Variants in PLCD3 observed in about 807,000 individuals in gnomAD.
PLCD3 encodes the protein 1-phosphatidylinositol 4,5-bisphosphate phosphodiesterase delta-3.
PLCD3 carries 62 observed loss-of-function variants against 82.8 expected under a neutral mutation model. The ratio of observed to expected loss-of-function variants is 0.75; its 90% confidence interval spans 0.61 to 0.93. The LOEUF is 0.93. Ranked by LOEUF, PLCD3 falls within the 40% of genes least tolerant of loss-of-function variation. The probability of loss-of-function intolerance (pLI) is 0.00; values close to 1 mark genes in which losing one functional copy is unlikely to be tolerated. For synonymous variants in PLCD3, 478 were observed against 471.8 expected (o/e 1.01, Z -0.17); for missense variants, 1,023 against 1,103.4 (o/e 0.93, Z 1.03).
chr17:45,121,365 C>G lies in PLCD3; in HGVS notation c.171G>C (p.Thr57=). ...GCATGGCGCGCACGTCCTCGTCCTCCGTCAGGCCTGGCGGGGCGGGAGGAC... is the reference window on the plus strand; with the variant it reads ...GCATGGCGCGCACGTCCTCGTCCTCGGTCAGGCCTGGCGGGGCGGGAGGAC... ...GLRALKKMGL[T]EDEDVRAMLR... is the part of the protein sequence containing the mutation. Residue 57 remains threonine (T), a synonymous_variant, in exon 2 of 15, where the codon ACG becomes ACC. Coordinates refer to ENST00000619929, the MANE Select transcript of PLCD3 (RefSeq NM_133373.5). 2 of 1,521,972 alleles carry G rather than the reference C, an allele frequency of 1.3e-6. No homozygotes were observed. Among genetic ancestry groups the G allele is most frequent in the Non-Finnish European group, 1.8e-6 (2 of 1,141,554 alleles). The allele number at this position is 1,521,972 out of a possible 1,614,324, so 94.3% of individuals were successfully genotyped here.
At chr17:45,115,565 C>CCA in intron 8 of PLCD3, 75 bp from the exon 9 acceptor site, 1 of 1,378,078 alleles carries the variant, frequency 7.3e-7, no homozygotes. Context: ...AGTTATTCAA[C>CCA]CACCGCCTTG....
intron 1 of PLCD3, among the ~76,000 whole-genome samples, chr17:45,131,272 C>T (rs2054439430): frequency 6.6e-6 from 1 of 152,230 alleles, no homozygotes; most frequent in Admixed American, 6.5e-5. Context: ...CCCTGGCAGC[C>T]TTGTCCTTCT....
In PLCD3 at chr17:45,121,374, T is replaced by C; in HGVS notation, c.164-2A>G. 2.0e-6 allele frequency: 3 copies of C among 1,506,000 alleles called. No individual in the cohort carries two copies. Among genetic ancestry groups the C allele is most frequent in the South Asian group, 1.3e-5 (1 of 79,346 alleles). The allele number at this position is 1,506,000 out of a possible 1,614,324, so 93.3% of individuals were successfully genotyped here. On this transcript the variant is annotated splice_acceptor_variant, in intron 1 of 14. Transcript: ENST00000619929. LOFTEE classifies it high-confidence loss of function. ...GCACGTCCTCGTCCTCCGTCAGGCCTGGCGGGGCGGGAGGACCCGGGGCGT... is the reference window on the plus strand; with the variant it reads ...GCACGTCCTCGTCCTCCGTCAGGCCCGGCGGGGCGGGAGGACCCGGGGCGT...
intron 3 of PLCD3, 121 bp from the exon 4 acceptor site, chr17:45,120,575 C>G: frequency 7.4e-7 from 1 of 1,353,696 alleles, no homozygotes; most frequent in Non-Finnish European, 1.0e-6. Flanking sequence ...GTACTTTCCC[C>G]TTGGCCTGTG....
chr17:45,112,811 T>A, intron 14 of PLCD3, 52 bp downstream of exon 14: 2 of 1,604,628 alleles, frequency 1.2e-6, no homozygotes, highest in East Asian at 2.2e-5. Context: ...GTGAACAGGG[T>A]CTGCAGGACC....
At chr17:45,130,862 T>C (rs1199778359) in intron 1 of PLCD3, among the ~76,000 whole-genome samples, 5 of 151,496 alleles carry the variant, frequency 3.3e-5, no homozygotes, top group Admixed American at 6.6e-5. Flanking sequence ...CACTCCCGTC[T>C]TCCTCAGCTG....
rs996102979 is a variant in PLCD3, at chr17:45,114,950, G to C, written c.1711+144C>G. ...CTCCATCCACCCTGGCATGTGCGGG[G>C]CCCTCATTCCCTCAGCCCAGCCCCT... is the stretch of plus-strand genomic sequence containing the variant. On this transcript the variant is annotated intron_variant, in intron 10 of 14. Coordinates refer to ENST00000619929, the MANE Select transcript of PLCD3 (RefSeq NM_133373.5). 3 of 1,219,066 alleles carry C rather than the reference G, an allele frequency of 2.5e-6. No homozygotes were observed. In the African/African-American group the frequency reaches 4.6e-5, roughly 19 times the overall value. The allele number at this position is 1,219,066 out of a possible 1,614,324, so 75.5% of individuals were successfully genotyped here. A position where few individuals can be genotyped will look rare whatever the true frequency, so the allele number is the denominator to read the frequency against.
At position 45,120,163 on chromosome 17, in the gene PLCD3, GCTAA is replaced by G. The variant is rs557452363; in HGVS notation, c.684+158_684+161del. 2.6e-4 allele frequency among the ~76,000 whole-genome samples: 39 copies of G among 152,352 alleles called. No individual in the cohort carries two copies. In the Middle Eastern group the frequency reaches 0.014, roughly 53 times the overall value. On this transcript the variant is annotated intron_variant, in intron 4 of 14. Coordinates refer to ENST00000619929, the MANE Select transcript of PLCD3 (RefSeq NM_133373.5). ...CCAGTGGCCTCAGGGGAGGCAAAAG[GCTAA>G]CTAACCCCAGATGTTGCCTTTGTGC...
In PLCD3 at chr17:45,115,093, C is replaced by A; in HGVS notation, c.1711+1G>T. 1 of 1,595,740 alleles carries A rather than the reference C, an allele frequency of 6.3e-7. No homozygotes were observed. The highest frequency in any genetic ancestry group is 8.5e-7 in the Non-Finnish European group (1 of 1,171,196). ...CAGACACCCAGTGCCCCAGCTCCTACCTGCCTCCCGAATGAGTTTCTTGGC... is the reference window on the plus strand; with the variant it reads ...CAGACACCCAGTGCCCCAGCTCCTAACTGCCTCCCGAATGAGTTTCTTGGC... On this transcript the variant is annotated splice_donor_variant, in intron 10 of 14. Transcript: ENST00000619929. LOFTEE classifies it high-confidence loss of function.
intron 8 of PLCD3, among the ~76,000 whole-genome samples, chr17:45,116,224 C>A (rs2054290482): frequency 6.6e-6 from 1 of 152,170 alleles, no homozygotes; most frequent in South Asian, 2.1e-4. Context: ...GTGGATAAGG[C>A]CACAGGAAGA....
At chr17:45,130,305 A>T (rs1040299957) in intron 1 of PLCD3, among the ~76,000 whole-genome samples, 1 of 152,088 alleles carries the variant, frequency 6.6e-6, no homozygotes, top group African/African-American at 2.4e-5. Context: ...CTCAGCTGTA[A>T]TTATTTGTCT....
At chr17:45,112,822 T>G in intron 14 of PLCD3, 41 bp downstream of exon 14, 1 of 1,608,706 alleles carries the variant, frequency 6.2e-7, no homozygotes, top group Non-Finnish European at 8.5e-7. Flanking sequence ...CTGCAGGACC[T>G]GGACCCACAT....
At chr17:45,122,460 C>T (rs371439940) in intron 1 of PLCD3, among the ~76,000 whole-genome samples, 1 of 152,188 alleles carries the variant, frequency 6.6e-6, no homozygotes, top group African/African-American at 2.4e-5. Flanking sequence ...CTGGTAGAAG[C>T]CACTTTGGGC....
In PLCD3 at chr17:45,114,266, G is replaced by C; in HGVS notation, c.1812C>G (p.Asn604Lys). Residue 604 changes from asparagine to lysine, a missense_variant, in exon 11 of 15, where the codon AAC becomes AAG. Coordinates refer to ENST00000619929, the MANE Select transcript of PLCD3 (RefSeq NM_133373.5). Reference sequence around the variant, plus strand: ...CCCACTTACCCAGCTGACAGCCCGAGTTCCACATCTCCTGGGGACTGTAGT... The same window carrying C: ...CCCACTTACCCAGCTGACAGCCCGACTTCCACATCTCCTGGGGACTGTAGT... ...SANYSPQEMW[N>K]SGCQLVALNF... is the part of the protein sequence containing the mutation. 2 of 1,538,354 alleles carry C rather than the reference G, an allele frequency of 1.3e-6. No individual in the cohort carries two copies. Among genetic ancestry groups the C allele is most frequent in the Non-Finnish European group, 1.8e-6 (2 of 1,140,878 alleles).
At chr17:45,116,581 G>C (rs563929856) in intron 8 of PLCD3, 51 bp downstream of exon 8, 2 of 1,500,060 alleles carry the variant, frequency 1.3e-6, no homozygotes, top group Admixed American at 2.1e-5. Flanking sequence ...GCGGGGAGGC[G>C]GACTCCCACC....
chr17:45,113,293 C>T, intron 12 of PLCD3, 36 bp from the exon 13 acceptor site: 3 of 1,570,274 alleles, frequency 1.9e-6, no homozygotes, highest in African/African-American at 1.3e-5. Context: ...GGGCCCACGC[C>T]CACCTTGGCC....
Position 45,117,469 on chromosome 17 carries a change from T to C in PLCD3, c.1260+525A>G, listed in dbSNP as rs931933845. 2.6e-5 allele frequency among the ~76,000 whole-genome samples: 4 copies of C among 152,102 alleles called. No homozygotes were observed. In the South Asian group the frequency reaches 6.2e-4, roughly 24 times the overall value. On this transcript the variant is annotated intron_variant, in intron 7 of 14. Transcript: ENST00000619929. Reference sequence around the variant, plus strand: ...TTTGCTCAGGCTGGTCTGGAATTCCTGGCCTCAAGTGATCCTCGCGTCAGC... The same window carrying C: ...TTTGCTCAGGCTGGTCTGGAATTCCCGGCCTCAAGTGATCCTCGCGTCAGC...
At chr17:45,117,089 C>T (rs531982730) in intron 7 of PLCD3, among the ~76,000 whole-genome samples, 3 of 152,170 alleles carry the variant, frequency 2.0e-5, no homozygotes, top group South Asian at 4.2e-4. Context: ...GGATTACAGG[C>T]GCCCGCCACC....
intron 1 of PLCD3, among the ~76,000 whole-genome samples, chr17:45,123,652 C>T (rs1246604163): frequency 6.6e-6 from 1 of 152,200 alleles, no homozygotes; most frequent in Non-Finnish European, 1.5e-5. Context: ...CAGCCCAGGG[C>T]ATCTCACCCA....
Sources: allele counts gnomAD v4.1 joint callset (sites outside exome capture counted in the v4.1 genomes callset), GRCh38; gene constraint gnomAD v4.1.1; transcripts MANE v1.5; gene names NCBI Gene and HGNC (gene_info 2026-07-23, HGNC 2026-07-21).